FOXP2: variants seen among roughly 807,000 people sequenced by gnomAD.
FOXP2 encodes forkhead box protein P2.
FOXP2 carries 12 observed loss-of-function variants against 115.8 expected under a neutral mutation model. That is an observed-to-expected ratio of 0.10 (90% CI 0.07 to 0.17). The LOEUF is 0.17. Ranked by LOEUF, FOXP2 falls within the 10% of genes least tolerant of loss-of-function variation. FOXP2 has a pLI of 1.00. For synonymous variants in FOXP2, 328 were observed against 297.7 expected (o/e 1.10, Z -1.05); for missense variants, 629 against 843.5 (o/e 0.75, Z 3.15).
chr7:114,155,322 G>A (rs1382277727), intron 1 of FOXP2, among the ~76,000 whole-genome samples: 2 of 152,016 alleles, frequency 1.3e-5, no homozygotes, highest in East Asian at 3.9e-4. Flanking sequence ...CAGCTGTTCA[G>A]CATTAACATT....
At chr7:114,363,072 A>G (rs1471269703) in intron 2 of FOXP2, among the ~76,000 whole-genome samples, 3 of 152,100 alleles carry the variant, frequency 2.0e-5, no homozygotes, top group African/African-American at 7.2e-5. Flanking sequence ...TATAATTCTT[A>G]TTCAAATAGA....
rs1343377230 is a variant in FOXP2, at chr7:114,653,960, T to A, written c.1217T>A (p.Met406Lys). Reference sequence around the variant, plus strand: ...GAACGCGAACGTCTTCAAGCAATGATGACCCACTTGCACATGCGACCCTCA... The same window carrying A: ...GAACGCGAACGTCTTCAAGCAATGAAGACCCACTTGCACATGCGACCCTCA... ...SKERERLQAM[M>K]THLHMRPSEP... Residue 406 changes from methionine (M) to lysine (K), a missense_variant, in exon 10 of 17, where the codon ATG becomes AAG. Physicochemically the swap from Met to Lys is moderately conservative, Grantham distance 95. Transcript: ENST00000350908. The A allele has an allele frequency of 6.2e-7, 1 of 1,613,346 alleles. No homozygotes were observed. The highest frequency in any genetic ancestry group is 8.5e-7 in the Non-Finnish European group (1 of 1,179,442).
intron 2 of FOXP2, among the ~76,000 whole-genome samples, chr7:114,318,236 A>T (rs1369337092): frequency 6.6e-6 from 1 of 151,548 alleles, no homozygotes; most frequent in African/African-American, 2.4e-5. Flanking sequence ...TTTTTGTTTT[A>T]TTTTCTCCTC....
intron 3 of FOXP2, among the ~76,000 whole-genome samples, chr7:114,559,771 C>G (rs908300347): frequency 6.6e-6 from 1 of 152,000 alleles, no homozygotes; most frequent in African/African-American, 2.4e-5. Flanking sequence ...CGCCTGTAGT[C>G]CCAGCTACTC....
chr7:114,156,654 C>G (rs1792679714), intron 1 of FOXP2, among the ~76,000 whole-genome samples: 1 of 152,138 alleles, frequency 6.6e-6, no homozygotes, highest in Non-Finnish European at 1.5e-5. Flanking sequence ...AACATGTCCT[C>G]AAGATCTCCT....
Position 114,691,870 on chromosome 7 carries a change from C to G in FOXP2, c.*1944C>G. The G allele has an allele frequency of 2.2e-6, 1 of 449,608 alleles. No homozygotes were observed. The allele number at this position is 449,608 out of a possible 1,614,324, so 27.9% of individuals were successfully genotyped here. A position where few individuals can be genotyped will look rare whatever the true frequency, so the allele number is the denominator to read the frequency against. ...TATCACACCAAATAAAAGGACATAA[C>G]GGCTTTCAAAAGGGTTTTCCCACTT... On this transcript the variant is annotated 3_prime_UTR_variant, in exon 17 of 17. Transcript: ENST00000350908.
chr7:114,518,505 T>A (rs1415723849), intron 2 of FOXP2, among the ~76,000 whole-genome samples: 1 of 152,012 alleles, frequency 6.6e-6, no homozygotes, highest in Admixed American at 6.6e-5. Context: ...CCAAAGATTC[T>A]ATAGAATTTT....
intron 2 of FOXP2, among the ~76,000 whole-genome samples, chr7:114,493,960 A>G (rs1417508431): frequency 1.3e-5 from 2 of 152,020 alleles, no homozygotes; most frequent in Non-Finnish European, 2.9e-5. Flanking sequence ...AATTCACAGA[A>G]AACTTGTTCT....
intron 2 of FOXP2, among the ~76,000 whole-genome samples, chr7:114,333,633 G>T (rs1320430961): frequency 1.3e-5 from 2 of 152,106 alleles, no homozygotes; most frequent in East Asian, 3.9e-4. Context: ...CATGCCTAGA[G>T]TGCAGCACGT....
At chr7:114,102,732 A>ACACACACACC (rs757957770) in intron 1 of FOXP2, among the ~76,000 whole-genome samples, 60 of 146,202 alleles carry the variant, frequency 4.1e-4, no homozygotes, top group African/African-American at 1.3e-3. Flanking sequence ...ACACACACAC[A>ACACACACACC]CCCCAATGGT....
intron 2 of FOXP2, among the ~76,000 whole-genome samples, chr7:114,342,020 G>A (rs1315219351): frequency 6.6e-6 from 1 of 151,308 alleles, no homozygotes; most frequent in Admixed American, 6.6e-5. Flanking sequence ...GATAAAATGG[G>A]TAACTAAGTC....
chr7:114,416,955 A>G (rs1463713295), intron 1 of FOXP2, among the ~76,000 whole-genome samples: 1 of 151,988 alleles, frequency 6.6e-6, no homozygotes, highest in Non-Finnish European at 1.5e-5. Flanking sequence ...TTTATTTTAA[A>G]GATCACTAAA....
intron 1 of FOXP2, among the ~76,000 whole-genome samples, chr7:114,192,881 A>T (rs1793799094): frequency 6.6e-6 from 1 of 152,182 alleles, no homozygotes. Context: ...AAATAAAAAT[A>T]CATAAATGAA....
At chr7:114,095,240 T>C (rs1584475507) in intron 1 of FOXP2, among the ~76,000 whole-genome samples, 1 of 152,310 alleles carries the variant, frequency 6.6e-6, no homozygotes, top group African/African-American at 2.4e-5. Flanking sequence ...GATACTACAG[T>C]AGCTTTTAAA....
chr7:114,404,974 C>T (rs1189838107), intron 2 of FOXP2, among the ~76,000 whole-genome samples: 1 of 151,854 alleles, frequency 6.6e-6, no homozygotes, highest in Non-Finnish European at 1.5e-5. Context: ...CTGTGTATCT[C>T]TGATTAGTTA....
intron 2 of FOXP2, among the ~76,000 whole-genome samples, chr7:114,487,415 A>C (rs1465217437): frequency 6.6e-6 from 1 of 152,120 alleles, no homozygotes; most frequent in Admixed American, 6.5e-5. Flanking sequence ...TGGGCCTGTG[A>C]AGGAGGGGCT....
intron 2 of FOXP2, among the ~76,000 whole-genome samples, chr7:114,465,972 G>A (rs1410789953): frequency 2.0e-5 from 3 of 152,126 alleles, no homozygotes; most frequent in African/African-American, 4.8e-5. Flanking sequence ...CTTCCTGAGA[G>A]TCTTACCCAC....
chr7:114,262,032 T>C (rs1014630679), intron 1 of FOXP2, among the ~76,000 whole-genome samples: 9 of 152,164 alleles, frequency 5.9e-5, no homozygotes, highest in African/African-American at 1.9e-4. Context: ...TACTCCAGCC[T>C]GGGTGATAAG....
At chr7:114,279,249 A>G (rs142283662) in intron 1 of FOXP2, among the ~76,000 whole-genome samples, 20 of 152,318 alleles carry the variant, frequency 1.3e-4, no homozygotes, top group African/African-American at 4.3e-4. Flanking sequence ...TGGTAAATGT[A>G]TTATATTGTG....
Sources: gnomAD v4.1 joint callset for allele counts (sites outside exome capture counted in the v4.1 genomes callset) on GRCh38, gnomAD v4.1.1 for gene constraint, MANE v1.5 for transcripts, NCBI Gene and HGNC (gene_info 2026-07-23, HGNC 2026-07-21) for gene names.